The following B3GALT1 variants were observed in gnomAD, a reference collection of about 807,000 sequenced individuals.
B3GALT1 encodes UDP-Gal:betaGlcNAc beta 1,3-galactosyltransferase, polypeptide 1.
In B3GALT1, 10 loss-of-function variants were observed where a neutral mutation model predicts 23.2. The ratio of observed to expected loss-of-function variants is 0.43; its 90% CI spans 0.27 to 0.73. B3GALT1 has a LOEUF of 0.73. Ranked by LOEUF, B3GALT1 falls within the 30% of genes least tolerant of loss-of-function variation. The pLI, the probability that B3GALT1 is intolerant of heterozygous loss-of-function variation, is 0.21. For missense variants in B3GALT1, 299 were observed against 405.4 expected, an observed-to-expected ratio of 0.74 and a Z score of 2.25; for synonymous variants, 156 against 141.5, an observed-to-expected ratio of 1.10 and a Z score of -0.73.
intron 1 of B3GALT1, among the ~76,000 whole-genome samples, chr2:167,441,722 C>G (rs954084478): frequency 6.6e-6 from 1 of 151,890 alleles, no homozygotes; most frequent in Non-Finnish European, 1.5e-5. Context: ...ATTTAAATAT[C>G]TGATTATTAA....
chr2:167,740,701 A>G (rs904660358), intron 3 of B3GALT1, among the ~76,000 whole-genome samples: 4 of 152,232 alleles, frequency 2.6e-5, no homozygotes, highest in African/African-American at 4.8e-5. Context: ...TACTCTGAAA[A>G]GTAAAATATT....
intron 3 of B3GALT1, among the ~76,000 whole-genome samples, chr2:167,698,477 T>C (rs1045068723): frequency 6.6e-6 from 1 of 152,174 alleles, no homozygotes; most frequent in Non-Finnish European, 1.5e-5. Flanking sequence ...TTACAAATGA[T>C]CACGGCAATT....
chr2:167,313,192 C>T (rs1230031981), intron 1 of B3GALT1, among the ~76,000 whole-genome samples: 1 of 152,158 alleles, frequency 6.6e-6, no homozygotes, highest in East Asian at 1.9e-4. Flanking sequence ...ACCACTTTTG[C>T]CATCTTCTGT....
intron 2 of B3GALT1, among the ~76,000 whole-genome samples, chr2:167,531,770 A>G (rs1683330115): frequency 6.6e-6 from 1 of 152,180 alleles, no homozygotes. Context: ...TATTATGACA[A>G]TATATGCCCA....
chr2:167,806,282 A>G (rs1010809609), intron 3 of B3GALT1, among the ~76,000 whole-genome samples: 1 of 152,168 alleles, frequency 6.6e-6, no homozygotes, highest in African/African-American at 2.4e-5. Context: ...AAACAGGGAC[A>G]ATTTGACTTC....
At chr2:167,675,319 C>T (rs751291578) in intron 3 of B3GALT1, among the ~76,000 whole-genome samples, 1 of 152,182 alleles carries the variant, frequency 6.6e-6, no homozygotes, top group Non-Finnish European at 1.5e-5. Flanking sequence ...ATACTCCAAG[C>T]CCCATTTTTA....
At chr2:167,412,744 C>T (rs1280452846) in intron 1 of B3GALT1, among the ~76,000 whole-genome samples, 1 of 151,960 alleles carries the variant, frequency 6.6e-6, no homozygotes, top group Admixed American at 6.6e-5. Flanking sequence ...ATTATAGAGA[C>T]AAAATAAATG....
chr2:167,509,488 T>G (rs1699971631), intron 2 of B3GALT1, among the ~76,000 whole-genome samples: 1 of 152,126 alleles, frequency 6.6e-6, no homozygotes, highest in African/African-American at 2.4e-5. Context: ...TAAAGGGTGA[T>G]AATTGCTAAG....
At chr2:167,568,818 G>T (rs1231642227) in intron 2 of B3GALT1, among the ~76,000 whole-genome samples, 1 of 151,472 alleles carries the variant, frequency 6.6e-6, no homozygotes, top group African/African-American at 2.4e-5. Flanking sequence ...AGATCATCAA[G>T]ATTTTCTTTC....
chr2:167,358,090 A>G (rs1372225695), intron 1 of B3GALT1, among the ~76,000 whole-genome samples: 1 of 152,196 alleles, frequency 6.6e-6, no homozygotes, highest in Non-Finnish European at 1.5e-5. Context: ...TTATTTTTGT[A>G]AGGGATAGAG....
chr2:167,456,173 G>T lies in B3GALT1; in HGVS notation c.-510-34004G>T, dbSNP rs745395420. On this transcript the variant is annotated intron_variant, in intron 1 of 4. Coordinates refer to ENST00000392690, the MANE Select transcript of B3GALT1 (RefSeq NM_020981.4). ...CTGCTTCTGGTGAGGGCCTCAGAAAGCTTCCAATCATGGTGGAAGGCAAAG... is the reference window on the plus strand; with the variant it reads ...CTGCTTCTGGTGAGGGCCTCAGAAATCTTCCAATCATGGTGGAAGGCAAAG... 5.6e-4 allele frequency among the ~76,000 whole-genome samples: 85 copies of T among 152,182 alleles called. 1 individual carries two copies. Among genetic ancestry groups the T allele is most frequent in the Non-Finnish European group, 1.0e-3 (68 of 68,032 alleles).
intron 3 of B3GALT1, among the ~76,000 whole-genome samples, chr2:167,781,790 G>A (rs1347206612): frequency 1.3e-5 from 2 of 152,074 alleles, no homozygotes; most frequent in Non-Finnish European, 2.9e-5. Context: ...TGCCCAGGCT[G>A]GAATGCAGTG....
intron 3 of B3GALT1, among the ~76,000 whole-genome samples, chr2:167,719,193 C>A (rs1220138298): frequency 6.6e-6 from 1 of 152,168 alleles, no homozygotes; most frequent in Non-Finnish European, 1.5e-5. Flanking sequence ...TTATCCCAAG[C>A]TTCATGACTA....
intron 2 of B3GALT1, among the ~76,000 whole-genome samples, chr2:167,602,992 A>G (rs868260755): frequency 6.6e-6 from 1 of 152,182 alleles, no homozygotes; most frequent in African/African-American, 2.4e-5. Context: ...ACCTTACTCA[A>G]TAATGGCAGG....
At chr2:167,804,652 T>C (rs1315352473) in intron 3 of B3GALT1, among the ~76,000 whole-genome samples, 4 of 152,228 alleles carry the variant, frequency 2.6e-5, no homozygotes, top group Non-Finnish European at 5.9e-5. Flanking sequence ...ACAAAGGACA[T>C]GAACTCATCA....
chr2:167,856,361 T>C (rs1302368989), intron 4 of B3GALT1, among the ~76,000 whole-genome samples: 2 of 152,166 alleles, frequency 1.3e-5, no homozygotes, highest in Admixed American at 6.5e-5. Flanking sequence ...TATGCAGGGC[T>C]ATAAAGTGCA....
At chr2:167,450,803 ATTTCT>A (rs1353670498) in intron 1 of B3GALT1, among the ~76,000 whole-genome samples, 1 of 152,052 alleles carries the variant, frequency 6.6e-6, no homozygotes, top group Non-Finnish European at 1.5e-5. Flanking sequence ...AAACTTTTAG[ATTTCT>A]TTTCTTCATC....
chr2:167,811,541 T>G (rs958842839), intron 3 of B3GALT1, among the ~76,000 whole-genome samples: 3 of 152,232 alleles, frequency 2.0e-5, no homozygotes, highest in Non-Finnish European at 4.4e-5. Context: ...GCTCTTATAC[T>G]AGGCCTATTG....
chr2:167,845,585 A>G (rs1395268005), intron 4 of B3GALT1, among the ~76,000 whole-genome samples: 2 of 152,206 alleles, frequency 1.3e-5, no homozygotes, highest in African/African-American at 4.8e-5. Context: ...GTGGGACAAA[A>G]GAATCTGAAC....
Sources: gnomAD v4.1 joint callset for allele counts (sites outside exome capture counted in the v4.1 genomes callset) on GRCh38, gnomAD v4.1.1 for gene constraint, MANE v1.5 for transcripts, NCBI Gene and HGNC (gene_info 2026-07-23, HGNC 2026-07-21) for gene names.